Variants in SLC35F1 observed in about 807,000 individuals in gnomAD.
The protein encoded by SLC35F1 is solute carrier family 35 member F1, also known as chromosome 6 open reading frame 169.
SLC35F1 carries 14 observed loss-of-function variants against 48.7 expected under a neutral mutation model. The ratio of observed to expected loss-of-function variants is 0.29; its 90% CI spans 0.19 to 0.45. SLC35F1 has a LOEUF of 0.45. Ranked by LOEUF, SLC35F1 falls within the 20% of genes least tolerant of loss-of-function variation. SLC35F1 has a pLI of 1.00. For missense variants in SLC35F1, 404 were observed against 500.0 expected (o/e 0.81, Z 1.83); for synonymous variants, 190 against 202.2 (o/e 0.94, Z 0.51).
chr6:118,097,033 C>CCTCTCTT (rs1171886626), intron 1 of SLC35F1, among the ~76,000 whole-genome samples: 1 of 152,134 alleles, frequency 6.6e-6, no homozygotes, highest in Admixed American at 6.6e-5. Context: ...TCTTAACTGG[C>CCTCTCTT]CTCTCTTCTT....
intron 2 of SLC35F1, among the ~76,000 whole-genome samples, chr6:118,218,319 T>A (rs1775101544): frequency 6.6e-6 from 1 of 152,146 alleles, no homozygotes; most frequent in African/African-American, 2.4e-5. Flanking sequence ...GAGGACTATC[T>A]ACAACCTTCA....
intron 2 of SLC35F1, among the ~76,000 whole-genome samples, chr6:118,201,872 T>C (rs1311837832): frequency 1.3e-5 from 2 of 152,194 alleles, no homozygotes; most frequent in African/African-American, 4.8e-5. Context: ...TAATATGTGG[T>C]TTTCATGAAT....
intron 2 of SLC35F1, among the ~76,000 whole-genome samples, chr6:118,217,569 G>A (rs1285411393): frequency 1.3e-5 from 2 of 152,038 alleles, no homozygotes; most frequent in African/African-American, 4.8e-5. Flanking sequence ...ACAACAATGC[G>A]AATTTACTTA....
At chr6:118,287,372 G>T (rs17337518) in intron 7 of SLC35F1, among the ~76,000 whole-genome samples, 20,742 of 152,178 alleles carry the variant, frequency 0.14, 1,514 homozygotes, top group South Asian at 0.19. Flanking sequence ...CTTGTAATTT[G>T]CTTTATAAGC....
At chr6:118,025,874 A>G (rs1771928301) in intron 1 of SLC35F1, among the ~76,000 whole-genome samples, 1 of 152,200 alleles carries the variant, frequency 6.6e-6, no homozygotes, top group East Asian at 1.9e-4. Context: ...ACCTTGAAAT[A>G]AAATAGAGGT....
At chr6:118,070,580 C>A (rs1467671280) in intron 1 of SLC35F1, among the ~76,000 whole-genome samples, 1 of 151,806 alleles carries the variant, frequency 6.6e-6, no homozygotes, top group African/African-American at 2.4e-5. Context: ...CCTATTGCAC[C>A]ACATCCTACC....
intron 1 of SLC35F1, among the ~76,000 whole-genome samples, chr6:117,969,852 C>T (rs764047673): frequency 2.0e-4 from 31 of 152,040 alleles, no homozygotes; most frequent in Non-Finnish European, 4.0e-4. Flanking sequence ...CCTGATCATC[C>T]CTTTAGGATA....
chr6:118,156,672 A>C (rs987590238), intron 2 of SLC35F1, among the ~76,000 whole-genome samples: 26 of 88,512 alleles, frequency 2.9e-4, no homozygotes, highest in African/African-American at 1.1e-3. Flanking sequence ...TATAATAAAA[A>C]ATAAAATAAA....
intron 1 of SLC35F1, among the ~76,000 whole-genome samples, chr6:118,024,384 A>G (rs1315069025): frequency 6.6e-6 from 1 of 152,234 alleles, no homozygotes; most frequent in Non-Finnish European, 1.5e-5. Context: ...AAAGCATATA[A>G]TTTTAGCAAT....
intron 1 of SLC35F1, among the ~76,000 whole-genome samples, chr6:117,984,434 G>A (rs965510980): frequency 6.7e-6 from 1 of 149,808 alleles, no homozygotes; most frequent in Non-Finnish European, 1.5e-5. Flanking sequence ...CGGAGGCCGA[G>A]CTTGTAGTGA....
chr6:117,928,826 A>C (rs141392473), intron 1 of SLC35F1, among the ~76,000 whole-genome samples: 1 of 152,260 alleles, frequency 6.6e-6, no homozygotes, highest in African/African-American at 2.4e-5. Context: ...CACCAGTACT[A>C]CAAAGGGGTT....
intron 1 of SLC35F1, among the ~76,000 whole-genome samples, chr6:118,051,882 T>A (rs1430164371): frequency 6.6e-6 from 1 of 152,168 alleles, no homozygotes; most frequent in Non-Finnish European, 1.5e-5. Flanking sequence ...TGATGCTTAA[T>A]ACAGTGCCAG....
Position 118,314,633 on chromosome 6 carries a change from A to G in SLC35F1, c.*381A>G. On this transcript the variant is annotated 3_prime_UTR_variant, in exon 8 of 8. Coordinates refer to ENST00000360388, the MANE Select transcript of SLC35F1 (RefSeq NM_001029858.4). The stretch of plus-strand genomic sequence containing the variant: ...CCTGATGGAAACTATTGCCAGACCC[A>G]CATGTAGTCAACATAAACCCCACTT... The G allele has an allele frequency of 4.2e-6, 1 of 237,004 alleles. No individual in the cohort carries two copies. Among genetic ancestry groups the G allele is most frequent in the Non-Finnish European group, 8.5e-6 (1 of 117,870 alleles). The allele number at this position is 237,004 out of a possible 1,614,324, so 14.7% of individuals were successfully genotyped here. A position where few individuals can be genotyped will look rare whatever the true frequency, so the allele number is the denominator to read the frequency against.
chr6:118,041,774 G>A (rs993809457), intron 1 of SLC35F1, among the ~76,000 whole-genome samples: 1 of 152,114 alleles, frequency 6.6e-6, no homozygotes, highest in Admixed American at 6.6e-5. Context: ...AAACAAGCTT[G>A]GTGTATCAGA....
chr6:118,098,949 T>G (rs1285612392), intron 1 of SLC35F1, among the ~76,000 whole-genome samples: 1 of 152,210 alleles, frequency 6.6e-6, no homozygotes, highest in African/African-American at 2.4e-5. Context: ...TTGGCCTATT[T>G]TATAAGGTAC....
intron 1 of SLC35F1, among the ~76,000 whole-genome samples, chr6:117,947,016 T>C (rs1410093580): frequency 6.6e-6 from 1 of 152,156 alleles, no homozygotes; most frequent in Non-Finnish European, 1.5e-5. Flanking sequence ...TGGGGGAAGA[T>C]AGACAATAAT....
chr6:118,124,450 A>G (rs1773595129), intron 1 of SLC35F1, among the ~76,000 whole-genome samples: 1 of 152,164 alleles, frequency 6.6e-6, no homozygotes, highest in African/African-American at 2.4e-5. Context: ...CCAAGAGCCC[A>G]TCTATGTATT....
chr6:118,084,925 A>G (rs2114328650), intron 1 of SLC35F1, among the ~76,000 whole-genome samples: 2 of 152,170 alleles, frequency 1.3e-5, no homozygotes, highest in Middle Eastern at 3.4e-3. Flanking sequence ...TGACAGACTT[A>G]TGCCTTTCCC....
chr6:118,192,533 T>C (rs1230689073), intron 2 of SLC35F1, among the ~76,000 whole-genome samples: 2 of 152,182 alleles, frequency 1.3e-5, no homozygotes, highest in African/African-American at 4.8e-5. Flanking sequence ...AGCAGTTAAC[T>C]GTGGAAATGA....
Sources: allele counts gnomAD v4.1 joint callset (sites outside exome capture counted in the v4.1 genomes callset), GRCh38; gene constraint gnomAD v4.1.1; transcripts MANE v1.5; gene names NCBI Gene and HGNC (gene_info 2026-07-23, HGNC 2026-07-21).